The following SYT16 variants were observed in gnomAD, a reference collection of about 807,000 sequenced individuals.
SYT16 encodes the protein synaptotagmin-16.
Under a neutral mutation model 61.4 loss-of-function variants are expected in SYT16, and 42 were observed. That is an observed-to-expected ratio of 0.68 (90% CI 0.53 to 0.89). The LOEUF (loss-of-function observed/expected upper bound fraction) is 0.89, where lower values mean the gene tolerates loss of function less well. SYT16 is among the 40% of genes least tolerant of loss of function. The pLI is 0.00. For synonymous variants in SYT16, 314 were observed against 302.3 expected, an observed-to-expected ratio of 1.04 and a Z score of -0.40; for missense variants, 804 against 807.3, an observed-to-expected ratio of 1.00 and a Z score of 0.05.
At chr14:61,816,194 A>G (rs2045420785) in intron 1 of SYT16, among the ~76,000 whole-genome samples, 1 of 151,942 alleles carries the variant, frequency 6.6e-6, no homozygotes, top group African/African-American at 2.4e-5. Flanking sequence ...ACCAGCAGCC[A>G]CTTTTTCCCT....
At position 62,018,298 on chromosome 14, in the gene SYT16, C is replaced by CTTTTTTTTTTTTTTTTTTTTTTT. The variant is rs776473522; in HGVS notation, c.523+21762_523+21784dup. Among the ~76,000 whole-genome samples the CTTTTTTTTTTTTTTTTTTTTTTT allele has an allele frequency of 5.8e-5, 3 of 51,622 alleles. 1 individual carries two copies. Among genetic ancestry groups the CTTTTTTTTTTTTTTTTTTTTTTT allele is most frequent in the Non-Finnish European group, 9.9e-5 (3 of 30,188 alleles). 33.9% of individuals were successfully genotyped at this position (51,622 alleles called of 152,430 possible). A position where few individuals can be genotyped will look rare whatever the true frequency, so the allele number is the denominator to read the frequency against. ...GGGTCTTTCTCTTCTTCTTCTTCTT[C>CTTTTTTTTTTTTTTTTTTTTTTT]TTTTTTTTTTTTTTTTTTTTTTTTT... On this transcript the variant is annotated intron_variant, in intron 3 of 7. Coordinates refer to ENST00000683842, the MANE Select transcript of SYT16 (RefSeq NM_001367656.1).
At chr14:61,867,120 T>C (rs2047181524) in intron 1 of SYT16, among the ~76,000 whole-genome samples, 1 of 152,124 alleles carries the variant, frequency 6.6e-6, no homozygotes, top group Non-Finnish European at 1.5e-5. Flanking sequence ...TCTATCTTTA[T>C]GCTAATATCA....
At chr14:62,012,114 A>G (rs2053493207) in intron 3 of SYT16, among the ~76,000 whole-genome samples, 1 of 151,996 alleles carries the variant, frequency 6.6e-6, no homozygotes, top group Non-Finnish European at 1.5e-5. Context: ...GCTTAAAACA[A>G]CACACATTTA....
chr14:61,892,139 C>T (rs933797980), intron 1 of SYT16, among the ~76,000 whole-genome samples: 1 of 151,946 alleles, frequency 6.6e-6, no homozygotes, highest in Non-Finnish European at 1.5e-5. Context: ...CGCCCTGCAT[C>T]CTCCCACCAT....
chr14:62,056,605 G>A (rs773733155), intron 3 of SYT16, among the ~76,000 whole-genome samples: 20 of 152,160 alleles, frequency 1.3e-4, no homozygotes, highest in Non-Finnish European at 2.6e-4. Flanking sequence ...AGAAACGCAC[G>A]TAGATGTTCC....
intron 1 of SYT16, among the ~76,000 whole-genome samples, chr14:61,865,636 G>C (rs1459439183): frequency 1.3e-5 from 2 of 152,204 alleles, no homozygotes; most frequent in East Asian, 3.8e-4. Flanking sequence ...AATATACATA[G>C]GAGCTGGAGA....
At chr14:62,002,890 G>A (rs1235018933) in intron 3 of SYT16, among the ~76,000 whole-genome samples, 1 of 152,100 alleles carries the variant, frequency 6.6e-6, no homozygotes, top group Non-Finnish European at 1.5e-5. Context: ...ATGGTGGAAG[G>A]GGAAGCAAAT....
At chr14:61,825,713 C>T (rs868605487) in intron 1 of SYT16, among the ~76,000 whole-genome samples, 52 of 152,090 alleles carry the variant, frequency 3.4e-4, no homozygotes, top group African/African-American at 1.3e-3. Flanking sequence ...CAACAATGAA[C>T]TAAGTTTCTA....
At chr14:61,951,559 G>A (rs34858880) in intron 1 of SYT16, among the ~76,000 whole-genome samples, 3,289 of 152,190 alleles carry the variant, frequency 0.022, 44 homozygotes, top group Non-Finnish European at 0.034. Flanking sequence ...TTGGAGAGTT[G>A]AAGAAAGTCG....
intron 3 of SYT16, among the ~76,000 whole-genome samples, chr14:62,018,008 G>A (rs886509720): frequency 2.6e-5 from 4 of 152,014 alleles, no homozygotes; most frequent in Admixed American, 6.6e-5. Flanking sequence ...GAGCCACCTC[G>A]CCCTGTGTTA....
At chr14:62,081,692 G>T (rs530337785) in intron 6 of SYT16, among the ~76,000 whole-genome samples, 57 of 152,318 alleles carry the variant, frequency 3.7e-4, no homozygotes, top group African/African-American at 1.3e-3. Context: ...CAGAACTTCA[G>T]CTGCTTCTGA....
At chr14:61,935,692 C>T (rs1489398000) in intron 1 of SYT16, among the ~76,000 whole-genome samples, 1 of 152,170 alleles carries the variant, frequency 6.6e-6, no homozygotes, top group African/African-American at 2.4e-5. Context: ...GGACCTTCAC[C>T]TGGATGTGTC....
At chr14:61,832,426 G>A (rs2045969407) in intron 1 of SYT16, 1 of 456,202 alleles carries the variant, frequency 2.2e-6, no homozygotes, top group Non-Finnish European at 4.3e-6. Context: ...CGCGACCCCA[G>A]TAGTTCTTTT....
chr14:61,989,708 G>A (rs1180310330), intron 2 of SYT16, among the ~76,000 whole-genome samples: 4 of 152,156 alleles, frequency 2.6e-5, no homozygotes, highest in Admixed American at 2.0e-4. Context: ...AGTATGATTT[G>A]CCTTGTGCCA....
intron 2 of SYT16, 77 bp downstream of exon 2, chr14:61,970,388 C>A (rs185432641): frequency 2.0e-4 from 31 of 152,306 alleles, no homozygotes; most frequent in African/African-American, 7.2e-4. Context: ...GATGAATCGA[C>A]TTTACTAAAG....
rs35260303 is a variant in SYT16 at position 61,834,428 on chromosome 14, C to CTTTTTTTT, written c.-325+21635_-325+21642dup. ...TACAGGCATGAGCCACCGTGCCTGG[C>CTTTTTTTT]TTTTTTTTTTTTTTTTTTTTTTTTG... On this transcript the variant is annotated intron_variant, in intron 1 of 7. Coordinates refer to ENST00000683842, the MANE Select transcript of SYT16 (RefSeq NM_001367656.1). Among the ~76,000 whole-genome samples, 11 of 76,876 alleles carry CTTTTTTTT rather than the reference C, an allele frequency of 1.4e-4. 2 individuals carry two copies. Among genetic ancestry groups the CTTTTTTTT allele is most frequent in the African/African-American group, 7.2e-4 (11 of 15,326 alleles). The allele number at this position is 76,876 out of a possible 152,430, so 50.4% of individuals were successfully genotyped here. A position where few individuals can be genotyped will look rare whatever the true frequency, so the allele number is the denominator to read the frequency against.
At chr14:62,012,883 A>G (rs1261185183) in intron 3 of SYT16, among the ~76,000 whole-genome samples, 1 of 152,256 alleles carries the variant, frequency 6.6e-6, no homozygotes, top group Non-Finnish European at 1.5e-5. Context: ...TAAAAGGAAT[A>G]CAGACTGCAG....
At chr14:61,991,795 T>C (rs1175008799) in intron 2 of SYT16, among the ~76,000 whole-genome samples, 1 of 152,196 alleles carries the variant, frequency 6.6e-6, no homozygotes, top group Non-Finnish European at 1.5e-5. Context: ...TCCTCAATAT[T>C]ACAATGTTCT....
At chr14:61,875,897 G>A (rs2047473639) in intron 1 of SYT16, among the ~76,000 whole-genome samples, 1 of 152,198 alleles carries the variant, frequency 6.6e-6, no homozygotes, top group Non-Finnish European at 1.5e-5. Flanking sequence ...CAGGTGCCAA[G>A]GAAGCTGGGA....
Sources: gnomAD v4.1 joint callset for allele counts (sites outside exome capture counted in the v4.1 genomes callset) on GRCh38, gnomAD v4.1.1 for gene constraint, MANE v1.5 for transcripts, NCBI Gene and HGNC (gene_info 2026-07-23, HGNC 2026-07-21) for gene names.